Variants in ZNF385C observed in about 807,000 individuals in gnomAD.
The protein encoded by ZNF385C is CTD-2132N18.2.
Under a neutral mutation model 35.4 loss-of-function variants are expected in ZNF385C, and 28 were observed. That is an observed-to-expected ratio of 0.79 (90% confidence interval 0.59 to 1.08). ZNF385C has a LOEUF of 1.08. Among genes scored for constraint, ZNF385C ranks in the 50% least tolerant of loss-of-function variants. ZNF385C has a pLI of 0.00. For synonymous variants in ZNF385C, 248 were observed against 248.2 expected, an observed-to-expected ratio of 1.00 and a Z score of 0.01; for missense variants, 605 against 595.6, an observed-to-expected ratio of 1.02 and a Z score of -0.16.
chr17:42,057,037 G>A (rs2053386736), intron 2 of ZNF385C, among the ~76,000 whole-genome samples: 2 of 152,132 alleles, frequency 1.3e-5, no homozygotes, highest in South Asian at 2.1e-4. Flanking sequence ...TTAGAAGGCC[G>A]AGGGAGGAGG....
intron 1 of ZNF385C, among the ~76,000 whole-genome samples, chr17:42,079,908 C>A (rs1555659607): frequency 6.6e-6 from 1 of 152,200 alleles, no homozygotes; most frequent in Non-Finnish European, 1.5e-5. Flanking sequence ...GGGTGCCCAT[C>A]CCCATGTCCA....
rs1487883591 is a variant in ZNF385C, at chr17:42,034,272, T to G, written c.463A>C (p.Lys155Gln). 22 of 1,550,476 alleles carry G rather than the reference T, an allele frequency of 1.4e-5. No homozygotes were observed. Among genetic ancestry groups the G allele is most frequent in the Non-Finnish European group, 2.6e-6 (3 of 1,146,968 alleles). Residue 155 changes from lysine (K) to glutamine (Q), a missense_variant, in exon 4 of 9, where the codon AAG (lysine) becomes CAG (glutamine). Physicochemically the swap from Lys to Gln is moderately conservative, Grantham distance 53. Transcript: ENST00000692273. ...CAGATGTTACAGGAAATGAACAGCT[T>G]CTTCTTCAGAGGGGAGGGGACACCA... ...TFGVPSPLKK[K>Q]LFISCNICHL...
In ZNF385C at chr17:42,037,891, G is replaced by A. The variant is rs782622851; in HGVS notation, c.251-6C>T. On this transcript the variant is annotated splice_polypyrimidine_tract_variant and splice_region_variant and intron_variant, in intron 2 of 8. Transcript: ENST00000692273. ...GGCGCCGGAGGCCGGGCCTGCTGCA[G>A]GAGGAAGAAGGGCAGGGTCTGAAAT... is the stretch of plus-strand genomic sequence containing the variant. 113 of 1,532,894 alleles carry A rather than the reference G, an allele frequency of 7.4e-5. No individual in the cohort carries two copies. In the South Asian group the frequency reaches 8.3e-4, roughly 11 times the overall value. The allele number at this position is 1,532,894 out of a possible 1,614,324, so 95.0% of individuals were successfully genotyped here.
At chr17:42,066,001 T>G (rs190198288) in intron 1 of ZNF385C, among the ~76,000 whole-genome samples, 8 of 152,292 alleles carry the variant, frequency 5.3e-5, no homozygotes, top group Admixed American at 5.2e-4. Context: ...TGATCTATAA[T>G]CTATGTAATA....
intron 2 of ZNF385C, chr17:42,042,861 G>A: frequency 8.1e-7 from 1 of 1,232,328 alleles, no homozygotes; most frequent in Non-Finnish European, 1.0e-6. Context: ...TCCTGGGACT[G>A]TAGTAATCGC....
intron 2 of ZNF385C, among the ~76,000 whole-genome samples, chr17:42,059,035 G>A (rs923982749): frequency 1.3e-5 from 2 of 152,246 alleles, no homozygotes; most frequent in African/African-American, 2.4e-5. Context: ...AGAAAGCCAG[G>A]GGAGGGGAGT....
chr17:42,056,976 T>TA (rs1193830230), intron 2 of ZNF385C, among the ~76,000 whole-genome samples: 3 of 151,692 alleles, frequency 2.0e-5, no homozygotes, highest in Non-Finnish European at 2.9e-5. Flanking sequence ...TTTTTAAAAA[T>TA]AAAAAAAAAT....
intron 2 of ZNF385C, among the ~76,000 whole-genome samples, chr17:42,055,048 A>T (rs979764568): frequency 2.0e-5 from 3 of 152,136 alleles, no homozygotes; most frequent in Non-Finnish European, 2.9e-5. Context: ...GGAAGGAGGC[A>T]GCCAGCCCAC....
At chr17:42,083,001 C>T (rs1045969797) in intron 1 of ZNF385C, among the ~76,000 whole-genome samples, 144 of 151,798 alleles carry the variant, frequency 9.5e-4, no homozygotes, top group Middle Eastern at 3.4e-3. Context: ...GGCATGAACC[C>T]GGGAGGTGGA....
At chr17:42,051,291 C>T (rs757384565) in intron 2 of ZNF385C, among the ~76,000 whole-genome samples, 2 of 151,952 alleles carry the variant, frequency 1.3e-5, no homozygotes, top group African/African-American at 2.4e-5. Flanking sequence ...GTGGGGTTGA[C>T]AGAGTGGGGA....
In ZNF385C at chr17:42,028,884, C is replaced by T; in HGVS notation, c.866G>A (p.Ser289Asn). 1 of 1,550,626 alleles carries T rather than the reference C, an allele frequency of 6.4e-7. No homozygotes were observed. The highest frequency in any genetic ancestry group is 2.4e-5 in the East Asian group (1 of 40,928). Residue 289 changes from serine (S) to asparagine (N), a missense_variant, in exon 6 of 9, where the codon AGC becomes AAC. Coordinates refer to ENST00000692273, the MANE Select transcript of ZNF385C (RefSeq NM_001392013.1). The stretch of plus-strand genomic sequence containing the variant: ...ACTCCTGCCTTCCCCACTCATGCTG[C>T]TTCCCACGGCAGCTGCCGCTGGCTC... The part of the protein sequence containing the change: ...GPEPAAAAVG[S>N]SMSGEGRSEK...
rs950717811 is a variant in ZNF385C, at chr17:42,028,982, A to G, written c.768T>C (p.Asp256=). The G allele has an allele frequency of 6.4e-7, 1 of 1,550,568 alleles. No individual in the cohort carries two copies. Among genetic ancestry groups the G allele is most frequent in the South Asian group, 1.2e-5 (1 of 84,066 alleles). The change falls in exon 6 of 9, where the codon GAT becomes GAC. Residue 256 remains aspartate, a synonymous_variant. Transcript: ENST00000692273. ...AGGAAGAAGAGGATGAGGAGGCAGC[A>G]TCCAAGAGCTCTGAGTGGGCTGGCT... is the stretch of plus-strand genomic sequence containing the variant. ...CREPAHSELL[D]AASSSSSSSC...
intron 2 of ZNF385C, among the ~76,000 whole-genome samples, chr17:42,042,660 C>A (rs1033370756): frequency 6.6e-6 from 1 of 152,234 alleles, no homozygotes; most frequent in African/African-American, 2.4e-5. Flanking sequence ...TGTTGTATCC[C>A]TGCAGCTGGC....
chr17:42,090,274 TC>T (rs2053851259), intron 1 of ZNF385C, among the ~76,000 whole-genome samples: 3 of 145,082 alleles, frequency 2.1e-5, no homozygotes, highest in South Asian at 2.2e-4. Flanking sequence ...TTCCTCTTAT[TC>T]CCTTTTTTTT....
In ZNF385C at chr17:42,028,672, C is replaced by T. The variant is rs148887580; in HGVS notation, c.967+111G>A. ...CAGTAACACACAAGCACAAAGCCTCCGCCATCCAACCCTTGAGCGAAGCAC... is the reference window on the plus strand; with the variant it reads ...CAGTAACACACAAGCACAAAGCCTCTGCCATCCAACCCTTGAGCGAAGCAC... On this transcript the variant is annotated intron_variant, in intron 6 of 8. Transcript: ENST00000692273. 6,039 of 1,340,612 alleles carry T rather than the reference C, an allele frequency of 4.5e-3. 45 individuals are homozygous for T. Among genetic ancestry groups the T allele is most frequent in the South Asian group, 0.023 (1,570 of 67,290 alleles). 83.0% of individuals were successfully genotyped at this position (1,340,612 alleles called of 1,614,324 possible).
chr17:42,058,359 G>C (rs1304761149), intron 2 of ZNF385C, among the ~76,000 whole-genome samples: 10 of 152,222 alleles, frequency 6.6e-5, no homozygotes, highest in South Asian at 2.1e-4. Context: ...CCAGAGGCCC[G>C]AGACCTCGTG....
At chr17:42,079,382 CAAAAAA>C (rs571676432) in intron 1 of ZNF385C, among the ~76,000 whole-genome samples, 1 of 74,070 alleles carries the variant, frequency 1.4e-5, no homozygotes, top group Admixed American at 1.6e-4. Context: ...GACTCTGTCT[CAAAAAA>C]AAAAAAAAAA....
intron 2 of ZNF385C, chr17:42,041,127 C>T (rs1193391213): frequency 8.1e-7 from 1 of 1,232,176 alleles, no homozygotes; most frequent in Non-Finnish European, 1.0e-6. Context: ...ACACCAGCCC[C>T]ACATATGGGG....
intron 1 of ZNF385C, among the ~76,000 whole-genome samples, chr17:42,073,548 A>G (rs1340803971): frequency 2.6e-5 from 4 of 152,084 alleles, no homozygotes; most frequent in Non-Finnish European, 4.4e-5. Flanking sequence ...GTCAGGGGAG[A>G]CAGCCAGAGT....
Sources: gnomAD v4.1 joint callset for allele counts (sites outside exome capture counted in the v4.1 genomes callset) on GRCh38, gnomAD v4.1.1 for gene constraint, MANE v1.5 for transcripts, NCBI Gene and HGNC (gene_info 2026-07-23, HGNC 2026-07-21) for gene names.